Variants in KCNH1 observed in about 807,000 individuals in gnomAD.
KCNH1 encodes voltage-gated delayed rectifier potassium channel KCNH1.
In KCNH1, 27 loss-of-function variants were observed where a neutral mutation model predicts 69.2. That is an observed-to-expected ratio of 0.39 (90% CI 0.29 to 0.54). The LOEUF (loss-of-function observed/expected upper bound fraction) is 0.54. KCNH1 is among the 20% of genes least tolerant of loss of function. The pLI is 0.68. For synonymous variants in KCNH1, 456 were observed against 487.7 expected (o/e 0.93, Z 0.86); for missense variants, 798 against 1,261.6 (o/e 0.63, Z 5.57).
intron 9 of KCNH1, among the ~76,000 whole-genome samples, chr1:210,795,144 G>A (rs1031227072): frequency 1.3e-5 from 2 of 151,662 alleles, no homozygotes. Flanking sequence ...TGTTGTTGTT[G>A]TTGTTGTTTG....
intron 6 of KCNH1, among the ~76,000 whole-genome samples, chr1:210,989,034 G>A (rs1170584332): frequency 1.3e-5 from 2 of 152,114 alleles, no homozygotes; most frequent in African/African-American, 2.4e-5. Flanking sequence ...TTTTGCAAAA[G>A]TGGTGCTACT....
intron 10 of KCNH1, among the ~76,000 whole-genome samples, chr1:210,709,918 A>G (rs1682024703): frequency 6.6e-6 from 1 of 152,206 alleles, no homozygotes; most frequent in African/African-American, 2.4e-5. Flanking sequence ...ACATTGCACA[A>G]TCACTATGCT....
At chr1:211,096,251 A>C (rs369038078) in intron 3 of KCNH1, among the ~76,000 whole-genome samples, 1 of 151,960 alleles carries the variant, frequency 6.6e-6, no homozygotes, top group South Asian at 2.1e-4. Context: ...TTTAGTAGAG[A>C]TGGGGTTTTG....
At chr1:210,721,859 A>C (rs887521760) in intron 10 of KCNH1, among the ~76,000 whole-genome samples, 8 of 152,220 alleles carry the variant, frequency 5.3e-5, no homozygotes, top group African/African-American at 1.9e-4. Context: ...GTCAGAAGCC[A>C]ATGGCTAGGT....
At chr1:210,786,450 T>G (rs2102385974) in intron 9 of KCNH1, among the ~76,000 whole-genome samples, 1 of 152,236 alleles carries the variant, frequency 6.6e-6, no homozygotes, top group African/African-American at 2.4e-5. Context: ...ACCACACACC[T>G]TGACTTCTGT....
intron 6 of KCNH1, among the ~76,000 whole-genome samples, chr1:210,926,000 T>C (rs1199269271): frequency 6.6e-6 from 1 of 152,204 alleles, no homozygotes; most frequent in Non-Finnish European, 1.5e-5. Flanking sequence ...ACCTCACACC[T>C]GTAATCCCAA....
At chr1:211,001,096 G>T (rs967520606) in intron 6 of KCNH1, among the ~76,000 whole-genome samples, 3 of 152,146 alleles carry the variant, frequency 2.0e-5, no homozygotes, top group African/African-American at 7.2e-5. Context: ...TCAGGACGTA[G>T]GCATGGGCAA....
chr1:210,766,075 G>C (rs1248632884), intron 10 of KCNH1, among the ~76,000 whole-genome samples: 1 of 151,562 alleles, frequency 6.6e-6, no homozygotes, highest in Non-Finnish European at 1.5e-5. Context: ...AAAAGAAGAA[G>C]AAAAAAAGAA....
At chr1:210,911,088 C>T (rs1687219577) in intron 7 of KCNH1, among the ~76,000 whole-genome samples, 1 of 152,110 alleles carries the variant, frequency 6.6e-6, no homozygotes, top group Non-Finnish European at 1.5e-5. Flanking sequence ...ATTTATTGAG[C>T]CCACTGTGGA....
In KCNH1 at chr1:210,775,408, G is replaced by A. The variant is rs1266933413; in HGVS notation, c.2052C>T (p.Tyr684=). ...GGGAGAAGGAATGGGAGAAGGCCGTGTAGAATTCCAGCACTTTCTGCAGGG... is the reference window on the plus strand; with the variant it reads ...GGGAGAAGGAATGGGAGAAGGCCGTATAGAATTCCAGCACTTTCTGCAGGG... ...RDALQKVLEF[Y]TAFSHSFSRN... The change falls in exon 10 of 11, where the codon TAC becomes TAT. Residue 684 remains tyrosine (Y), a synonymous_variant. Coordinates refer to ENST00000271751, the MANE Select transcript of KCNH1 (RefSeq NM_172362.3). 6.2e-7 allele frequency: 1 copy of A among 1,614,166 alleles called. No homozygotes were observed. The highest frequency in any genetic ancestry group is 1.3e-5 in the African/African-American group (1 of 75,056).
chr1:210,754,483 A>G (rs1290066447), intron 10 of KCNH1, among the ~76,000 whole-genome samples: 1 of 151,904 alleles, frequency 6.6e-6, no homozygotes, highest in Non-Finnish European at 1.5e-5. Flanking sequence ...TGTAATTCCC[A>G]ATGTTGGAGG....
chr1:210,872,326 T>A (rs1686271976), intron 7 of KCNH1, among the ~76,000 whole-genome samples: 1 of 152,118 alleles, frequency 6.6e-6, no homozygotes, highest in Non-Finnish European at 1.5e-5. Context: ...ATTATAATTA[T>A]TCCCTAACTA....
At chr1:210,809,907 G>A (rs1684667117) in intron 7 of KCNH1, among the ~76,000 whole-genome samples, 1 of 151,974 alleles carries the variant, frequency 6.6e-6, no homozygotes, top group African/African-American at 2.4e-5. Context: ...AGGCTTCTCT[G>A]AAGTCCCCTT....
intron 5 of KCNH1, among the ~76,000 whole-genome samples, chr1:211,059,818 T>A (rs1690397249): frequency 6.6e-6 from 1 of 152,086 alleles, no homozygotes; most frequent in South Asian, 2.1e-4. Context: ...TACACCTCAC[T>A]TTCAGCACTG....
intron 6 of KCNH1, among the ~76,000 whole-genome samples, chr1:210,937,696 C>T (rs938493068): frequency 8.5e-5 from 13 of 152,196 alleles, no homozygotes; most frequent in South Asian, 4.1e-4. Flanking sequence ...TTCCTGGCCA[C>T]GTAGCCTCCA....
intron 6 of KCNH1, among the ~76,000 whole-genome samples, chr1:210,975,819 C>T (rs991512163): frequency 9.9e-5 from 15 of 152,152 alleles, no homozygotes; most frequent in Admixed American, 3.9e-4. Flanking sequence ...AGGCAACCTA[C>T]AGAATGGGAG....
At chr1:210,800,416 A>G (rs1439123084) in intron 8 of KCNH1, among the ~76,000 whole-genome samples, 2 of 152,192 alleles carry the variant, frequency 1.3e-5, no homozygotes, top group Non-Finnish European at 2.9e-5. Flanking sequence ...ACCTTTAAAT[A>G]TGTCATTTGC....
chr1:210,797,981 T>C (rs1439701976), intron 8 of KCNH1, among the ~76,000 whole-genome samples: 1 of 150,744 alleles, frequency 6.6e-6, no homozygotes, highest in Non-Finnish European at 1.5e-5. Context: ...GAATCAGCAC[T>C]GGGAGTAAGT....
intron 6 of KCNH1, among the ~76,000 whole-genome samples, chr1:210,997,022 C>A (rs1571563101): frequency 6.6e-6 from 1 of 152,172 alleles, no homozygotes; most frequent in East Asian, 1.9e-4. Context: ...ACATCACCAT[C>A]ATCAAAGACC....
Sources: allele counts gnomAD v4.1 joint callset (sites outside exome capture counted in the v4.1 genomes callset), GRCh38; gene constraint gnomAD v4.1.1; transcripts MANE v1.5; gene names NCBI Gene and HGNC (gene_info 2026-07-23, HGNC 2026-07-21).